SVIL: variants seen among roughly 807,000 people sequenced by gnomAD.
The protein encoded by SVIL is supervillin, also known as archvillin.
Under a neutral mutation model 240.4 loss-of-function variants are expected in SVIL, and 101 were observed. The observed-to-expected ratio is 0.42, with a 90% CI of 0.36 to 0.50. The LOEUF (loss-of-function observed/expected upper bound fraction) is 0.50. SVIL is among the 20% of genes least tolerant of loss of function. SVIL has a pLI of 0.01. For missense variants in SVIL, 2,512 were observed against 2,818.7 expected, an observed-to-expected ratio of 0.89 and a Z score of 2.46; for synonymous variants, 999 against 1,100.0, an observed-to-expected ratio of 0.91 and a Z score of 1.82.
At chr10:29,467,990 CAT>C (rs1354504536) in intron 32 of SVIL, 115 bp from the exon 33 acceptor site, 42 of 1,181,628 alleles carry the variant, frequency 3.6e-5, no homozygotes, top group African/African-American at 3.5e-4. Flanking sequence ...ATATAATTCA[CAT>C]GTCATAAAAT....
intron 3 of SVIL, among the ~76,000 whole-genome samples, chr10:29,648,986 C>A (rs1365895848): frequency 1.3e-5 from 2 of 151,706 alleles, no homozygotes; most frequent in Non-Finnish European, 2.9e-5. Context: ...ACAAAAAAAA[C>A]AAAAAACAAA....
intron 16 of SVIL, among the ~76,000 whole-genome samples, chr10:29,517,513 TG>T (rs890726191): frequency 6.6e-6 from 1 of 152,170 alleles, no homozygotes; most frequent in Non-Finnish European, 1.5e-5. Flanking sequence ...TACATAAATC[TG>T]GGGCCCTCTA....
chr10:29,731,070 T>C (rs764318442), intron 1 of SVIL, among the ~76,000 whole-genome samples: 1 of 152,244 alleles, frequency 6.6e-6, no homozygotes, highest in Non-Finnish European at 1.5e-5. Flanking sequence ...TGCTCCTCGA[T>C]TCTTACTGGC....
At chr10:29,713,829 C>G (rs1963448921) in intron 1 of SVIL, among the ~76,000 whole-genome samples, 1 of 152,160 alleles carries the variant, frequency 6.6e-6, no homozygotes, top group South Asian at 2.1e-4. Flanking sequence ...GTTTCCAGTT[C>G]AAAGAGTTTA....
In SVIL at chr10:29,506,715, T is replaced by C. The variant is rs375031521; in HGVS notation, c.3516+6020A>G. 5.8e-3 allele frequency among the ~76,000 whole-genome samples: 414 copies of C among 71,478 alleles called. 4 individuals are homozygous for C. The highest frequency in any genetic ancestry group is 0.026 in the South Asian group (61 of 2,306). 46.9% of individuals were successfully genotyped at this position (71,478 alleles called of 152,430 possible). On this transcript the variant is annotated intron_variant, in intron 17 of 37. Transcript: ENST00000355867. ...GACAGAGGCCCTACGAGGGAGGGGA[T>C]AGAGACTCTACGAAGGAGGGGACAG...
At chr10:29,677,720 G>A (rs1053116136) in intron 2 of SVIL, among the ~76,000 whole-genome samples, 45 of 152,178 alleles carry the variant, frequency 3.0e-4, no homozygotes, top group African/African-American at 1.0e-3. Context: ...TGTGACCAGC[G>A]AGGATACATT....
At chr10:29,700,724 C>T (rs762931712) in intron 1 of SVIL, among the ~76,000 whole-genome samples, 3 of 152,070 alleles carry the variant, frequency 2.0e-5, no homozygotes, top group Admixed American at 6.6e-5. Flanking sequence ...CCGCCTGCCT[C>T]GGCCTCCCAA....
rs140071676 is a variant in SVIL at position 29,544,070 on chromosome 10, T to C, written c.827+6527A>G. Among the ~76,000 whole-genome samples the C allele has an allele frequency of 3.0e-3, 464 of 152,310 alleles. 1 individual carries two copies. The highest frequency in any genetic ancestry group is 0.01 in the African/African-American group (436 of 41,574). On this transcript the variant is annotated intron_variant, in intron 6 of 37. Transcript: ENST00000355867. The stretch of plus-strand genomic sequence containing the variant: ...TTGTATCCCTAAGTATATAATAGTA[T>C]ATAATGATCAGCTTTAACTCCCTAC...
At chr10:29,498,864 C>A (rs1468747122) in intron 18 of SVIL, among the ~76,000 whole-genome samples, 1 of 152,224 alleles carries the variant, frequency 6.6e-6, no homozygotes, top group East Asian at 1.9e-4. Context: ...ACCTATAATC[C>A]CAGCTACTAG....
At chr10:29,698,713 A>G (rs2132637072) in intron 1 of SVIL, among the ~76,000 whole-genome samples, 1 of 144,834 alleles carries the variant, frequency 6.9e-6, no homozygotes, top group East Asian at 2.0e-4. Context: ...CTCCAGGAAA[A>G]AAAAAAAAAA....
At chr10:29,623,786 G>C (rs1485232836) in intron 1 of SVIL, among the ~76,000 whole-genome samples, 1 of 151,596 alleles carries the variant, frequency 6.6e-6, no homozygotes, top group Non-Finnish European at 1.5e-5. Context: ...AGGAGGGGGA[G>C]GTTGCAGTGA....
chr10:29,627,281 A>G lies in SVIL; in HGVS notation c.-201+7139T>C, dbSNP rs545307928. On this transcript the variant is annotated intron_variant, in intron 1 of 37. Coordinates refer to ENST00000355867, the MANE Select transcript of SVIL (RefSeq NM_021738.3). ...TTCCAAGGAAGACAGATTATTCTCG[A>G]TCTCTGAAACCTTTGGATTACAGAA... Among the ~76,000 whole-genome samples, 110 of 152,228 alleles carry G rather than the reference A, an allele frequency of 7.2e-4. 1 individual carries two copies. Among genetic ancestry groups the G allele is most frequent in the South Asian group, 5.6e-3 (27 of 4,816 alleles).
rs73596029 is a variant in SVIL, at chr10:29,479,217, G to A, written c.5377+1320C>T. On this transcript the variant is annotated intron_variant, in intron 29 of 37. Coordinates refer to ENST00000355867, the MANE Select transcript of SVIL (RefSeq NM_021738.3). ...TCACAGCTGCCCACATCCTGTGCTG[G>A]AGCCCCACTCTGACTCTCTGCCCGC... Among the ~76,000 whole-genome samples, 579 of 152,272 alleles carry A rather than the reference G, an allele frequency of 3.8e-3. 2 individuals are homozygous for A. The highest frequency in any genetic ancestry group is 0.013 in the African/African-American group (530 of 41,566).
intron 29 of SVIL, among the ~76,000 whole-genome samples, chr10:29,479,842 C>T (rs180806409): frequency 2.1e-4 from 32 of 152,288 alleles, no homozygotes; most frequent in African/African-American, 6.5e-4. Context: ...TGCATGCTCT[C>T]CTAAATGGGA....
In SVIL at chr10:29,470,821, G is replaced by A. The variant is rs1036421617; in HGVS notation, c.5635+317C>T. 2.6e-5 allele frequency among the ~76,000 whole-genome samples: 4 copies of A among 152,088 alleles called. No homozygotes were observed. The East Asian group carries it at 7.7e-4, about 29-fold the overall frequency. On this transcript the variant is annotated intron_variant, in intron 31 of 37. Transcript: ENST00000355867. ...GAGCTAAGATTTTTTTGGGGGGTGG[G>A]GTGCTGGTCAACACAAAATTTCATA...
chr10:29,658,148 A>C (rs1261200701), intron 2 of SVIL: 3 of 152,218 alleles, frequency 2.0e-5, no homozygotes, highest in Non-Finnish European at 4.4e-5. Context: ...CGTACGAATG[A>C]AACTGGATAC....
intron 33 of SVIL, among the ~76,000 whole-genome samples, chr10:29,466,145 AATATAT>A (rs1564454676): frequency 1.3e-5 from 2 of 152,104 alleles, no homozygotes; most frequent in South Asian, 4.1e-4. Context: ...ATGGCTAAAA[AATATAT>A]ATAGATACTG....
chr10:29,647,424 T>C (rs1157749115), intron 3 of SVIL, among the ~76,000 whole-genome samples: 4 of 152,198 alleles, frequency 2.6e-5, no homozygotes, highest in Admixed American at 1.3e-4. Flanking sequence ...TCAAGTTTTA[T>C]GGTTATACAA....
intron 1 of SVIL, among the ~76,000 whole-genome samples, chr10:29,730,308 A>T (rs970575031): frequency 3.3e-5 from 5 of 152,260 alleles, no homozygotes; most frequent in Non-Finnish European, 5.9e-5. Flanking sequence ...CACTGAAGTC[A>T]GGGCATGTAC....
Sources: allele counts gnomAD v4.1 joint callset (sites outside exome capture counted in the v4.1 genomes callset), GRCh38; gene constraint gnomAD v4.1.1; transcripts MANE v1.5; gene names NCBI Gene and HGNC (gene_info 2026-07-23, HGNC 2026-07-21).